The following TADA2A variants were observed in gnomAD, a reference collection of about 807,000 sequenced individuals.
TADA2A encodes the protein transcriptional adapter 2-alpha.
TADA2A carries 38 observed loss-of-function variants against 67.4 expected under a neutral mutation model. The observed-to-expected ratio is 0.56, with a 90% CI of 0.44 to 0.74. TADA2A has a LOEUF of 0.74. Ranked by LOEUF, TADA2A falls within the 30% of genes least tolerant of loss-of-function variation. The pLI is 0.00. For missense variants in TADA2A, 454 were observed against 547.0 expected, an observed-to-expected ratio of 0.83 and a Z score of 1.70; for synonymous variants, 192 against 181.6, an observed-to-expected ratio of 1.06 and a Z score of -0.46.
chr17:37,464,770 C>G (rs1161645880), intron 10 of TADA2A, among the ~76,000 whole-genome samples: 1 of 143,870 alleles, frequency 7.0e-6, no homozygotes, highest in Admixed American at 7.3e-5. Flanking sequence ...CCTGGGGAGG[C>G]AGAGGTTACA....
intron 3 of TADA2A, among the ~76,000 whole-genome samples, chr17:37,425,776 G>A (rs1356232497): frequency 6.7e-6 from 1 of 150,256 alleles, no homozygotes; most frequent in East Asian, 2.0e-4. Flanking sequence ...AGCTTCCCAA[G>A]TATCTGGGAC....
At chr17:37,409,682 G>A (rs987746872) in intron 1 of TADA2A, among the ~76,000 whole-genome samples, 2 of 151,388 alleles carry the variant, frequency 1.3e-5, no homozygotes, top group South Asian at 2.1e-4. Context: ...CAGGAGACTC[G>A]CTTGAACCCG....
In TADA2A at chr17:37,427,006, A is replaced by C; in HGVS notation, c.189A>C (p.Ile63=). ...KKHQSDHTYE[I]MTSDFPVLDP... Reference sequence around the variant, plus strand: ...ATCAAAGCGATCATACTTATGAAATAATGGTAATGATGAAGTTGCTGGGAA... The same window carrying C: ...ATCAAAGCGATCATACTTATGAAATCATGGTAATGATGAAGTTGCTGGGAA... The change falls in exon 4 of 16, where the codon ATA becomes ATC. Residue 63 remains isoleucine, a synonymous_variant. Coordinates refer to ENST00000615182, the MANE Select transcript of TADA2A (RefSeq NM_001166105.3). 1 of 1,582,536 alleles carries C rather than the reference A, an allele frequency of 6.3e-7. No individual in the cohort carries two copies. Among genetic ancestry groups the C allele is most frequent in the Non-Finnish European group, 8.6e-7 (1 of 1,163,476 alleles).
At position 37,420,866 on chromosome 17, in the gene TADA2A, T is replaced by G. The variant is rs1242656417; in HGVS notation, c.26-2643T>G. ...CCTTCATCTACCTTCAAAGCTTTTCTTCTCTTAGATTCTTGTGATTGATCA... is the reference window on the plus strand; with the variant it reads ...CCTTCATCTACCTTCAAAGCTTTTCGTCTCTTAGATTCTTGTGATTGATCA... On this transcript the variant is annotated intron_variant, in intron 2 of 15. Coordinates refer to ENST00000615182, the MANE Select transcript of TADA2A (RefSeq NM_001166105.3). Among the ~76,000 whole-genome samples the G allele has an allele frequency of 1.4e-5, 2 of 147,002 alleles. 1 individual carries two copies. The highest frequency in any genetic ancestry group is 3.0e-5 in the Non-Finnish European group (2 of 65,814).
At chr17:37,450,661 T>C (rs2053207330) in intron 8 of TADA2A, 2 of 152,230 alleles carry the variant, frequency 1.3e-5, no homozygotes, top group Admixed American at 1.3e-4. Flanking sequence ...TTTTGGTTTG[T>C]TTGTTTATTT....
chr17:37,452,521 T>G (rs1288796248), intron 8 of TADA2A, among the ~76,000 whole-genome samples: 1 of 152,232 alleles, frequency 6.6e-6, no homozygotes, highest in Non-Finnish European at 1.5e-5. Context: ...TCTTAAGAGA[T>G]AGAGTCCACT....
At chr17:37,437,048 A>G (rs761603117) in intron 4 of TADA2A, among the ~76,000 whole-genome samples, 6 of 151,006 alleles carry the variant, frequency 4.0e-5, no homozygotes, top group Non-Finnish European at 7.4e-5. Flanking sequence ...GCTGTAAACT[A>G]TTACTACAGT....
intron 5 of TADA2A, chr17:37,438,082 AGATT>A (rs1267814765): frequency 1.3e-5 from 5 of 388,330 alleles, no homozygotes; most frequent in African/African-American, 6.2e-5. Context: ...AACAGTGGGA[AGATT>A]GATTATTATT....
At chr17:37,462,891 T>C (rs1175807413) in intron 10 of TADA2A, among the ~76,000 whole-genome samples, 1 of 152,200 alleles carries the variant, frequency 6.6e-6, no homozygotes, top group African/African-American at 2.4e-5. Context: ...ATAAATGATA[T>C]TTAATATTAT....
At chr17:37,460,163 C>T (rs2053513325) in intron 9 of TADA2A, among the ~76,000 whole-genome samples, 1 of 151,750 alleles carries the variant, frequency 6.6e-6, no homozygotes, top group African/African-American at 2.4e-5. Context: ...ATCCTACTGC[C>T]TTGGCCTCCC....
chr17:37,421,364 A>G (rs2147920406), intron 2 of TADA2A, among the ~76,000 whole-genome samples: 1 of 146,172 alleles, frequency 6.8e-6, no homozygotes, highest in South Asian at 2.3e-4. Context: ...GCAACAGTCT[A>G]AGACCCTGTC....
intron 3 of TADA2A, 140 bp from the exon 4 acceptor site, chr17:37,426,810 A>G (rs1026457169): frequency 1.0e-5 from 7 of 671,804 alleles, no homozygotes; most frequent in Non-Finnish European, 1.7e-5. Flanking sequence ...GTGCCACTGC[A>G]CTTCGGCCTG....
At chr17:37,416,876 C>T (rs934418428) in intron 2 of TADA2A, among the ~76,000 whole-genome samples, 4 of 149,550 alleles carry the variant, frequency 2.7e-5, no homozygotes, top group Admixed American at 1.3e-4. Context: ...CGAGAGTCCG[C>T]CTCAAAAAAA....
intron 15 of TADA2A, among the ~76,000 whole-genome samples, chr17:37,475,860 A>G (rs528335833): frequency 6.6e-6 from 1 of 152,236 alleles, no homozygotes; most frequent in Admixed American, 6.5e-5. Context: ...AGCCAGCCTC[A>G]TAAGAGTCAT....
At chr17:37,449,604 GTCTT>G (rs1475663020) in intron 8 of TADA2A, among the ~76,000 whole-genome samples, 1 of 147,772 alleles carries the variant, frequency 6.8e-6, no homozygotes, top group Admixed American at 7.0e-5. Flanking sequence ...ATACTTAGCT[GTCTT>G]TACAATCTTG....
intron 14 of TADA2A, among the ~76,000 whole-genome samples, chr17:37,473,528 G>A (rs758028581): frequency 6.6e-6 from 1 of 152,076 alleles, no homozygotes. Flanking sequence ...TCCACCAGTG[G>A]AGCTTGTAAC....
At position 37,413,609 on chromosome 17, in the gene TADA2A, C is replaced by T. The variant is rs534150680; in HGVS notation, c.25+2219C>T. Among the ~76,000 whole-genome samples the T allele has an allele frequency of 8.5e-5, 13 of 152,052 alleles. No individual in the cohort carries two copies. In the East Asian group the frequency reaches 2.5e-3, roughly 29 times the overall value. ...TCACCCAGGCTGGACTGCAGTGACA[C>T]AATCATAGCCCACTGGAGCCTTGAA... On this transcript the variant is annotated intron_variant, in intron 2 of 15. Transcript: ENST00000615182.
At chr17:37,470,794 A>T (rs574163349) in intron 13 of TADA2A, among the ~76,000 whole-genome samples, 2 of 151,786 alleles carry the variant, frequency 1.3e-5, no homozygotes, top group Non-Finnish European at 2.9e-5. Flanking sequence ...CATGACTTCA[A>T]CTCTCTCTTC....
At chr17:37,473,127 ATTTTTTTT>A (rs1020173351) in intron 14 of TADA2A, among the ~76,000 whole-genome samples, 3 of 85,676 alleles carry the variant, frequency 3.5e-5, no homozygotes, top group African/African-American at 4.4e-5. Flanking sequence ...ACCTGGAGAA[ATTTTTTTT>A]TTTTTTTTTT....
Sources: allele counts gnomAD v4.1 joint callset (sites outside exome capture counted in the v4.1 genomes callset), GRCh38; gene constraint gnomAD v4.1.1; transcripts MANE v1.5; gene names NCBI Gene and HGNC (gene_info 2026-07-23, HGNC 2026-07-21).